Variants in DDAH1 observed in about 807,000 individuals in gnomAD.
DDAH1 encodes dimethylarginine dimethylaminohydrolase 1, also known as N(G),N(G)-dimethylarginine dimethylaminohydrolase 1.
DDAH1 carries 19 observed loss-of-function variants against 28.8 expected under a neutral mutation model. The observed-to-expected ratio is 0.66, with a 90% CI of 0.46 to 0.97. The LOEUF (loss-of-function observed/expected upper bound fraction) is 0.97. Among genes scored for constraint, DDAH1 ranks in the 50% least tolerant of loss-of-function variants. The pLI, the probability that DDAH1 is intolerant of heterozygous loss-of-function variation, is 0.00. For synonymous variants in DDAH1, 153 were observed against 154.4 expected (o/e 0.99, Z 0.07); for missense variants, 326 against 375.9 (o/e 0.87, Z 1.10).
intron 1 of DDAH1, among the ~76,000 whole-genome samples, chr1:85,446,964 C>G (rs762012872): frequency 1.3e-4 from 20 of 152,144 alleles, no homozygotes; most frequent in Admixed American, 2.0e-4. Flanking sequence ...GGACAGGCCA[C>G]CTTTCAACAG....
intron 2 of DDAH1, among the ~76,000 whole-genome samples, chr1:85,480,006 C>T (rs1397382017): frequency 2.0e-5 from 3 of 152,206 alleles, no homozygotes; most frequent in Non-Finnish European, 4.4e-5. Flanking sequence ...TGTCTGCTCT[C>T]ATAGGAACAA....
At chr1:85,343,916 T>C (rs963622699) in intron 4 of DDAH1, among the ~76,000 whole-genome samples, 3 of 152,196 alleles carry the variant, frequency 2.0e-5, no homozygotes, top group African/African-American at 2.4e-5. Flanking sequence ...CTCTATTATA[T>C]AGTTAGTCAT....
At chr1:85,554,127 T>C (rs1274166494) in intron 1 of DDAH1, among the ~76,000 whole-genome samples, 1 of 152,190 alleles carries the variant, frequency 6.6e-6, no homozygotes, top group Non-Finnish European at 1.5e-5. Context: ...GGAACATTCC[T>C]CTTTTCTGAG....
At chr1:85,387,214 A>G (rs1322381573) in intron 1 of DDAH1, among the ~76,000 whole-genome samples, 1 of 152,172 alleles carries the variant, frequency 6.6e-6, no homozygotes, top group Non-Finnish European at 1.5e-5. Context: ...ATTTCATCTA[A>G]AAGTGCTTTT....
rs113598359 is a variant in DDAH1, at chr1:85,420,374, A to G, written c.303+44369T>C. 9.7e-4 allele frequency among the ~76,000 whole-genome samples: 147 copies of G among 152,326 alleles called. 1 individual carries two copies. The highest frequency in any genetic ancestry group is 3.4e-3 in the Middle Eastern group (1 of 294). ...CTCTTACTCTCTGCTTCCCTTTTAAATATAAGTTCCAGCTTTAAGTCATTT... is the reference window on the plus strand; with the variant it reads ...CTCTTACTCTCTGCTTCCCTTTTAAGTATAAGTTCCAGCTTTAAGTCATTT... On this transcript the variant is annotated intron_variant, in intron 1 of 5. Coordinates refer to ENST00000284031, the MANE Select transcript of DDAH1 (RefSeq NM_012137.4).
intron 1 of DDAH1, among the ~76,000 whole-genome samples, chr1:85,448,968 G>A (rs1227658711): frequency 6.6e-6 from 1 of 152,128 alleles, no homozygotes; most frequent in Non-Finnish European, 1.5e-5. Flanking sequence ...ACAGGAGAAG[G>A]GGAAAGAGAC....
At chr1:85,385,151 G>A (rs1431613831) in intron 1 of DDAH1, among the ~76,000 whole-genome samples, 1 of 152,136 alleles carries the variant, frequency 6.6e-6, no homozygotes, top group African/African-American at 2.4e-5. Flanking sequence ...ATCTATTTAA[G>A]CTTTTGAGTA....
chr1:85,468,521 CT>C (rs145367827), upstream of DDAH1, among the ~76,000 whole-genome samples: 223 of 139,004 alleles, frequency 1.6e-3, no homozygotes, highest in East Asian at 1.9e-3. Flanking sequence ...GGGAACTCTC[CT>C]TTTTTTTTTT....
chr1:85,381,719 GTTTT>G (rs35392469), intron 1 of DDAH1, among the ~76,000 whole-genome samples: 5 of 147,986 alleles, frequency 3.4e-5, no homozygotes, highest in African/African-American at 1.2e-4. Context: ...TGCAGATACT[GTTTT>G]TTTTTTTACA....
intron 2 of DDAH1, among the ~76,000 whole-genome samples, chr1:85,475,972 C>G (rs1368913280): frequency 1.3e-5 from 2 of 152,202 alleles, no homozygotes; most frequent in Admixed American, 6.5e-5. Flanking sequence ...CCACCTTAGT[C>G]TCCTGAGTAG....
chr1:85,349,520 G>A (rs1403710299), intron 4 of DDAH1, among the ~76,000 whole-genome samples: 1 of 152,216 alleles, frequency 6.6e-6, no homozygotes, highest in Non-Finnish European at 1.5e-5. Context: ...GACCAGCTAA[G>A]AGGAAGGGGC....
intron 1 of DDAH1, among the ~76,000 whole-genome samples, chr1:85,434,847 T>C (rs1653861886): frequency 6.6e-6 from 1 of 152,128 alleles, no homozygotes; most frequent in Non-Finnish European, 1.5e-5. Flanking sequence ...AGAATTTGAT[T>C]GGAACAATAT....
At chr1:85,569,249 T>C (rs760158943) in intron 1 of DDAH1, among the ~76,000 whole-genome samples, 3 of 152,172 alleles carry the variant, frequency 2.0e-5, no homozygotes, top group Non-Finnish European at 4.4e-5. Flanking sequence ...CAGTCTACAG[T>C]AAAAGTTTGA....
At chr1:85,394,666 C>A (rs1243952202) in intron 1 of DDAH1, among the ~76,000 whole-genome samples, 2 of 152,154 alleles carry the variant, frequency 1.3e-5, no homozygotes, top group African/African-American at 4.8e-5. Flanking sequence ...AAATGGTTAA[C>A]AAGGAAATAA....
chr1:85,538,585 G>T (rs1366028106), intron 1 of DDAH1, among the ~76,000 whole-genome samples: 1 of 151,898 alleles, frequency 6.6e-6, no homozygotes, highest in Non-Finnish European at 1.5e-5. Flanking sequence ...TCCTCAGATC[G>T]CCTGTGCTGT....
intron 1 of DDAH1, among the ~76,000 whole-genome samples, chr1:85,564,247 A>C (rs1356726469): frequency 6.6e-6 from 1 of 152,196 alleles, no homozygotes; most frequent in African/African-American, 2.4e-5. Context: ...TGTGATTAAC[A>C]GCAGATTATA....
chr1:85,456,140 A>G (rs1436747161), intron 1 of DDAH1, among the ~76,000 whole-genome samples: 1 of 152,108 alleles, frequency 6.6e-6, no homozygotes, highest in Non-Finnish European at 1.5e-5. Context: ...TATCACTGCA[A>G]AAATCAAAAC....
intron 1 of DDAH1, among the ~76,000 whole-genome samples, chr1:85,500,143 TTTCTTTTC>T (rs1253880832): frequency 1.7e-4 from 11 of 63,124 alleles, no homozygotes; most frequent in South Asian, 7.1e-4. Flanking sequence ...TCTTTCTTTC[TTTCTTTTC>T]TTTCTTTCTT....
At chr1:85,347,262 CT>C (rs1463742899) in intron 4 of DDAH1, among the ~76,000 whole-genome samples, 5 of 152,198 alleles carry the variant, frequency 3.3e-5, no homozygotes, top group Middle Eastern at 3.4e-3. Context: ...CATCCCGTTA[CT>C]GAGTATATAC....
Sources: allele counts gnomAD v4.1 joint callset (sites outside exome capture counted in the v4.1 genomes callset), GRCh38; gene constraint gnomAD v4.1.1; transcripts MANE v1.5; gene names NCBI Gene and HGNC (gene_info 2026-07-23, HGNC 2026-07-21).